Variants in DOCK7 observed in about 807,000 individuals in gnomAD.
The protein encoded by DOCK7 is dedicator of cytokinesis protein 7.
In DOCK7, 138 loss-of-function variants were observed where a neutral mutation model predicts 271.0. The observed-to-expected ratio is 0.51, with a 90% CI of 0.44 to 0.59. The LOEUF (loss-of-function observed/expected upper bound fraction) is 0.59, where lower values mean the gene tolerates loss of function less well. DOCK7 is among the 20% of genes least tolerant of loss of function. The pLI is 0.00. For missense variants in DOCK7, 2,066 were observed against 2,592.4 expected, an observed-to-expected ratio of 0.80 and a Z score of 4.41; for synonymous variants, 823 against 876.1, an observed-to-expected ratio of 0.94 and a Z score of 1.07.
At chr1:62,609,542 T>C (rs193140815) in intron 14 of DOCK7, 137 of 152,360 alleles carry the variant, frequency 9.0e-4, no homozygotes, top group African/African-American at 2.9e-3. Flanking sequence ...AATAGCTTTA[T>C]GAACTATAAA....
chr1:62,623,478 A>G (rs541713670), intron 12 of DOCK7, among the ~76,000 whole-genome samples: 11 of 152,370 alleles, frequency 7.2e-5, no homozygotes, highest in African/African-American at 2.6e-4. Context: ...CATGGTGATG[A>G]ATGCTCAAAA....
chr1:62,546,012 G>C (rs1015439011), intron 22 of DOCK7, among the ~76,000 whole-genome samples: 11 of 151,990 alleles, frequency 7.2e-5, no homozygotes, highest in African/African-American at 2.7e-4. Context: ...GAATTATTAG[G>C]GTAAGAATAG....
chr1:62,641,155 A>G, intron 7 of DOCK7: 1 of 337,584 alleles, frequency 3.0e-6, no homozygotes, highest in Non-Finnish European at 5.7e-6. Context: ...ACCTCTATGT[A>G]TTTGTCAGTT....
chr1:62,604,427 C>T (rs912987456), intron 14 of DOCK7: 1 of 881,172 alleles, frequency 1.1e-6, no homozygotes, highest in Non-Finnish European at 1.7e-6. Context: ...TCTAATCTTC[C>T]TCAGATTTTC....
intron 38 of DOCK7, 21 bp downstream of exon 38, chr1:62,496,318 C>G (rs753763210): frequency 2.5e-6 from 4 of 1,608,894 alleles, no homozygotes; most frequent in Non-Finnish European, 3.4e-6. Flanking sequence ...AATTAATGAT[C>G]TAGAAAGCAG....
Position 62,504,616 on chromosome 1 carries a change from GATAAAAT to G in DOCK7, c.4764+7_4764+13del. On this transcript the variant is annotated splice_region_variant and intron_variant, in intron 37 of 49. Transcript: ENST00000635253. ...CATTATGAATACAGAGAATTTTCATGATAAAATACTTACATTCCCAATCTCAAAGTTT... is the reference window on the plus strand; with the variant it reads ...CATTATGAATACAGAGAATTTTCATGACTTACATTCCCAATCTCAAAGTTT... The G allele has an allele frequency of 6.2e-7, 1 of 1,603,966 alleles. No individual in the cohort carries two copies. The highest frequency in any genetic ancestry group is 2.2e-5 in the East Asian group (1 of 44,776).
chr1:62,636,040 C>G (rs772644402), intron 8 of DOCK7, among the ~76,000 whole-genome samples: 5 of 152,172 alleles, frequency 3.3e-5, no homozygotes, highest in Non-Finnish European at 7.4e-5. Context: ...ATCACGAGGT[C>G]AGAAGATCGA....
rs906931201 is a variant in DOCK7 at position 62,650,815 on chromosome 1, G to T, written c.390-2271C>A. Reference sequence around the variant, plus strand: ...AAACAACAGGTGCTGGAGAGGATGTGGAGAAACAGGAACACTTTTACAGTG... The same window carrying T: ...AAACAACAGGTGCTGGAGAGGATGTTGAGAAACAGGAACACTTTTACAGTG... On this transcript the variant is annotated intron_variant, in intron 4 of 49. Transcript: ENST00000635253. Among the ~76,000 whole-genome samples the T allele has an allele frequency of 2.6e-5, 4 of 152,186 alleles. No homozygotes were observed. The South Asian group carries it at 8.3e-4, about 32-fold the overall frequency.
Position 62,475,775 on chromosome 1 carries a change from T to C in DOCK7, c.5893A>G (p.Thr1965Ala). 1 of 1,614,096 alleles carries C rather than the reference T, an allele frequency of 6.2e-7. No homozygotes were observed. ...AAGGCATGAGACGTAGTCAGAATGG[T>C]CTTCCTTTTGAATTGTTCATGAAGT... is the stretch of plus-strand genomic sequence containing the variant. ...GELHEQFKRK[T>A]ILTTSHAFPY... The change falls in exon 46 of 50, where the codon ACC becomes GCC. Residue 1965 changes from threonine to alanine, a missense_variant. Coordinates refer to ENST00000635253, the MANE Select transcript of DOCK7 (RefSeq NM_001367561.1).
At position 62,688,294 on chromosome 1, in the gene DOCK7, C is replaced by A; in HGVS notation, c.-30G>T. 8.1e-7 allele frequency: 1 copy of A among 1,237,436 alleles called. No individual in the cohort carries two copies. 76.7% of individuals were successfully genotyped at this position (1,237,436 alleles called of 1,614,324 possible). A position where few individuals can be genotyped will look rare whatever the true frequency, so the allele number is the denominator to read the frequency against. On this transcript the variant is annotated 5_prime_UTR_variant, in exon 1 of 50. Coordinates refer to ENST00000635253, the MANE Select transcript of DOCK7 (RefSeq NM_001367561.1). The stretch of plus-strand genomic sequence containing the variant: ...GCTGCGGCGACGGCGACGGCGGCGG[C>A]GGCTGCGGCGGGCCGGGTGCGGACC...
intron 1 of DOCK7, among the ~76,000 whole-genome samples, chr1:62,687,034 C>T (rs533082974): frequency 7.2e-4 from 109 of 152,228 alleles, no homozygotes; most frequent in African/African-American, 2.4e-3. Flanking sequence ...CCTGCCTCGG[C>T]CTCCCAAACT....
chr1:62,534,917 C>T (rs1229791949), intron 29 of DOCK7, among the ~76,000 whole-genome samples: 3 of 151,914 alleles, frequency 2.0e-5, no homozygotes, highest in Non-Finnish European at 4.4e-5. Flanking sequence ...ATGGTGAAAC[C>T]CCATCTCTAC....
intron 18 of DOCK7, among the ~76,000 whole-genome samples, chr1:62,568,692 A>C (rs7555577): frequency 0.59 from 88,541 of 148,934 alleles, 27,771 homozygotes; most frequent in East Asian, 0.76. Context: ...ACCACCACCA[A>C]CAACAACAAA....
rs747044879 is a variant in DOCK7, at chr1:62,488,915, T to C, written c.5493+19A>G. The C allele has an allele frequency of 1.5e-5, 24 of 1,613,400 alleles. No homozygotes were observed. The East Asian group carries it at 3.1e-4, about 21-fold the overall frequency. ...CAGTTTTTTCCCTTTATAGTGAAGCTAGAAATTGGAATCATTACCTGATGA... is the reference window on the plus strand; with the variant it reads ...CAGTTTTTTCCCTTTATAGTGAAGCCAGAAATTGGAATCATTACCTGATGA... On this transcript the variant is annotated intron_variant, in intron 42 of 49. Coordinates refer to ENST00000635253, the MANE Select transcript of DOCK7 (RefSeq NM_001367561.1).
chr1:62,474,794 C>T (rs1645924015), intron 47 of DOCK7, among the ~76,000 whole-genome samples: 1 of 152,122 alleles, frequency 6.6e-6, no homozygotes, highest in Admixed American at 6.6e-5. Context: ...ATGGGGATGG[C>T]TTCTAATCTG....
chr1:62,682,407 A>G lies in DOCK7; in HGVS notation c.38+5820T>C, dbSNP rs147057736. On this transcript the variant is annotated intron_variant, in intron 1 of 49. Coordinates refer to ENST00000635253, the MANE Select transcript of DOCK7 (RefSeq NM_001367561.1). ...CAACGCAGCTTGGTGGCATTCATTT[A>G]AACACTTTATGTGTCAGATATCCAT... is the stretch of plus-strand genomic sequence containing the variant. Among the ~76,000 whole-genome samples the G allele has an allele frequency of 5.9e-3, 903 of 152,340 alleles. 7 individuals are homozygous for G. Among genetic ancestry groups the G allele is most frequent in the African/African-American group, 0.02 (852 of 41,580 alleles).
chr1:62,586,359 T>C, intron 15 of DOCK7, 148 bp downstream of exon 15: 1 of 567,924 alleles, frequency 1.8e-6, no homozygotes, highest in Non-Finnish European at 3.1e-6. Flanking sequence ...AGTAATGTCA[T>C]TACTATCTAT....
At chr1:62,590,441 G>A (rs1748197) in intron 14 of DOCK7, among the ~76,000 whole-genome samples, 63,306 of 152,018 alleles carry the variant, frequency 0.42, 15,009 homozygotes, top group African/African-American at 0.65. Flanking sequence ...AAAGCACATG[G>A]TAATATATTA....
intron 7 of DOCK7, among the ~76,000 whole-genome samples, chr1:62,646,684 T>C (rs991760969): frequency 6.6e-6 from 1 of 152,188 alleles, no homozygotes; most frequent in Non-Finnish European, 1.5e-5. Flanking sequence ...ACTTCTAGCC[T>C]CTACAACTCT....
Sources: allele counts gnomAD v4.1 joint callset (sites outside exome capture counted in the v4.1 genomes callset), GRCh38; gene constraint gnomAD v4.1.1; transcripts MANE v1.5; gene names NCBI Gene and HGNC (gene_info 2026-07-23, HGNC 2026-07-21).